RNFT2: variants seen among roughly 807,000 people sequenced by gnomAD.
RNFT2 encodes ring finger protein, transmembrane 2, also known as E3 ubiquitin-protein ligase RNFT2.
Under a neutral mutation model 53.0 loss-of-function variants are expected in RNFT2, and 36 were observed. The ratio of observed to expected loss-of-function variants is 0.68; its 90% CI spans 0.52 to 0.90. The LOEUF is 0.90. RNFT2 is among the 40% of genes least tolerant of loss of function. RNFT2 has a pLI of 0.00. For synonymous variants in RNFT2, 260 were observed against 253.2 expected (o/e 1.03, Z -0.26); for missense variants, 514 against 585.6 (o/e 0.88, Z 1.26).
At position 116,853,246 on chromosome 12, in the gene RNFT2, C is replaced by CA; in HGVS notation, c.*3799dup. 1 of 398,882 alleles carries CA rather than the reference C, an allele frequency of 2.5e-6. No homozygotes were observed. The highest frequency in any genetic ancestry group is 4.4e-6 in the Non-Finnish European group (1 of 226,318). 24.7% of individuals were successfully genotyped at this position (398,882 alleles called of 1,614,324 possible). ...TTTTATGTATCTTGGTTCTGCAACTCATTTGTTGTAAGTAGGGTTAATCGA... is the reference window on the plus strand; with the variant it reads ...TTTTATGTATCTTGGTTCTGCAACTCAATTTGTTGTAAGTAGGGTTAATCGA... On this transcript the variant is annotated 3_prime_UTR_variant, in exon 11 of 11. Coordinates refer to ENST00000257575, the MANE Select transcript of RNFT2 (RefSeq NM_001382266.1).
intron 6 of RNFT2, among the ~76,000 whole-genome samples, chr12:116,772,919 C>G (rs531092747): frequency 2.6e-5 from 4 of 152,302 alleles, no homozygotes; most frequent in African/African-American, 9.6e-5. Context: ...ACCTCCGTCT[C>G]CTGGGTTCAA....
chr12:116,851,644 G>A lies in RNFT2; in HGVS notation c.*2196G>A, dbSNP rs1877929681. ...AATCCCAGCTACTCAGGAGGCTAAG[G>A]CAGGGAGAACTGCTTGAACTCGGGA... On this transcript the variant is annotated 3_prime_UTR_variant, in exon 11 of 11. Transcript: ENST00000257575. 1.6e-6 allele frequency: 1 copy of A among 623,146 alleles called. No homozygotes were observed. The highest frequency in any genetic ancestry group is 1.9e-5 in the South Asian group (1 of 51,504). The allele number at this position is 623,146 out of a possible 1,614,324, so 38.6% of individuals were successfully genotyped here. A position where few individuals can be genotyped will look rare whatever the true frequency, so the allele number is the denominator to read the frequency against.
intron 6 of RNFT2, among the ~76,000 whole-genome samples, chr12:116,772,074 CAAATA>C (rs1873226641): frequency 7.4e-6 from 1 of 134,252 alleles, no homozygotes; most frequent in African/African-American, 2.9e-5. Context: ...CAATATTTGT[CAAATA>C]AATGAGTATC....
chr12:116,742,063 C>T (rs996627539), intron 3 of RNFT2, among the ~76,000 whole-genome samples: 3 of 152,090 alleles, frequency 2.0e-5, no homozygotes, highest in Non-Finnish European at 4.4e-5. Flanking sequence ...TTCCATTTCT[C>T]AAGATGAAGG....
At chr12:116,779,469 C>A in intron 7 of RNFT2, 121 bp downstream of exon 7, 1 of 1,087,332 alleles carries the variant, frequency 9.2e-7, no homozygotes, top group Non-Finnish European at 1.3e-6. Flanking sequence ...ATAAAATAAA[C>A]AGAGCCTGAG....
At chr12:116,741,593 A>G (rs1471715826) in intron 3 of RNFT2, among the ~76,000 whole-genome samples, 2 of 152,206 alleles carry the variant, frequency 1.3e-5, no homozygotes. Context: ...ATTCGTGAAG[A>G]GCCCATCTCA....
Position 116,849,636 on chromosome 12 carries a change from T to C in RNFT2, c.*188T>C. Reference sequence around the variant, plus strand: ...TTCATCTTCCTCTCTCGTTCTGTGGTATAGTGCGTGCCTCCTTCCCCTGCA... The same window carrying C: ...TTCATCTTCCTCTCTCGTTCTGTGGCATAGTGCGTGCCTCCTTCCCCTGCA... On this transcript the variant is annotated 3_prime_UTR_variant, in exon 11 of 11. Coordinates refer to ENST00000257575, the MANE Select transcript of RNFT2 (RefSeq NM_001382266.1). 7.3e-7 allele frequency: 1 copy of C among 1,361,542 alleles called. No individual in the cohort carries two copies. Among genetic ancestry groups the C allele is most frequent in the Non-Finnish European group, 9.5e-7 (1 of 1,054,322 alleles). 84.3% of individuals were successfully genotyped at this position (1,361,542 alleles called of 1,614,324 possible).
intron 7 of RNFT2, among the ~76,000 whole-genome samples, chr12:116,789,922 ATGGGAGGAGAG>A (rs2137132617): frequency 6.8e-6 from 1 of 146,376 alleles, no homozygotes; most frequent in South Asian, 2.3e-4. Flanking sequence ...AGATGGATGG[ATGGGAGGAGAG>A]TGGATGGATG....
intron 5 of RNFT2, among the ~76,000 whole-genome samples, chr12:116,764,790 G>A (rs958864383): frequency 6.6e-6 from 1 of 152,206 alleles, no homozygotes; most frequent in Non-Finnish European, 1.5e-5. Context: ...CACTTGGGAG[G>A]CTGAGGCAGG....
intron 7 of RNFT2, among the ~76,000 whole-genome samples, chr12:116,818,809 A>G (rs909108469): frequency 1.3e-5 from 2 of 152,228 alleles, no homozygotes; most frequent in Admixed American, 6.5e-5. Flanking sequence ...AATGGTCCGT[A>G]TAATTCCTCT....
chr12:116,853,443 G>A lies in RNFT2; in HGVS notation c.*3995G>A, dbSNP rs1878021112. 2.8e-6 allele frequency: 1 copy of A among 362,826 alleles called. No homozygotes were observed. The highest frequency in any genetic ancestry group is 2.1e-5 in the African/African-American group (1 of 47,942). The allele number at this position is 362,826 out of a possible 1,614,324, so 22.5% of individuals were successfully genotyped here. The stretch of plus-strand genomic sequence containing the variant: ...TATGATAGGTGCATCAGCTTCGGAA[G>A]AGAAGAATGATGTGCAGAGTGTTAG... On this transcript the variant is annotated 3_prime_UTR_variant, in exon 11 of 11. Coordinates refer to ENST00000257575, the MANE Select transcript of RNFT2 (RefSeq NM_001382266.1).
chr12:116,828,890 C>T (rs539072246), intron 7 of RNFT2, among the ~76,000 whole-genome samples: 1 of 151,968 alleles, frequency 6.6e-6, no homozygotes, highest in South Asian at 2.1e-4. Context: ...TCTGTAGTCC[C>T]TACAGGGGAC....
At chr12:116,826,937 T>C (rs889834971) in intron 7 of RNFT2, among the ~76,000 whole-genome samples, 2 of 152,090 alleles carry the variant, frequency 1.3e-5, no homozygotes, top group Non-Finnish European at 2.9e-5. Flanking sequence ...AGGAGTGATT[T>C]AGGGGCTGGG....
chr12:116,805,815 G>A (rs1051199440), intron 7 of RNFT2, among the ~76,000 whole-genome samples: 9 of 152,294 alleles, frequency 5.9e-5, no homozygotes, highest in African/African-American at 2.2e-4. Context: ...CTTCCTCGGG[G>A]AAACCTCAGT....
At chr12:116,826,271 G>A (rs1876333616) in intron 7 of RNFT2, among the ~76,000 whole-genome samples, 1 of 152,060 alleles carries the variant, frequency 6.6e-6, no homozygotes, top group South Asian at 2.1e-4. Context: ...GAGGAAGTCG[G>A]AATAGAATCC....
chr12:116,778,841 C>T lies in RNFT2; in HGVS notation c.729-354C>T, dbSNP rs867619311. On this transcript the variant is annotated intron_variant, in intron 6 of 10. Transcript: ENST00000257575. ...CTCCAGCCTGGGAGACGGAGCAAGA[C>T]TCCATCTCAAAAACAAACAAACAAA... Among the ~76,000 whole-genome samples, 6 of 152,318 alleles carry T rather than the reference C, an allele frequency of 3.9e-5. No individual in the cohort carries two copies. In the South Asian group the frequency reaches 8.3e-4, roughly 21 times the overall value.
chr12:116,831,198 C>CA (rs35779552), intron 7 of RNFT2, among the ~76,000 whole-genome samples: 107,691 of 142,478 alleles, frequency 0.76, 41,093 homozygotes, highest in Non-Finnish European at 0.84. Flanking sequence ...CGTCTCTCTA[C>CA]AAAAAAAAAA....
intron 8 of RNFT2, among the ~76,000 whole-genome samples, chr12:116,834,272 T>C (rs1038096646): frequency 2.6e-4 from 40 of 152,082 alleles, no homozygotes; most frequent in South Asian, 1.9e-3. Context: ...CATCCACCAC[T>C]ATACCCAGCT....
At position 116,853,152 on chromosome 12, in the gene RNFT2, A is replaced by G. The variant is rs1468302844; in HGVS notation, c.*3704A>G. On this transcript the variant is annotated 3_prime_UTR_variant, in exon 11 of 11. Transcript: ENST00000257575. ...ATGAGGAGTGTTTCCAACACAGGCT[A>G]CATGAATTCCCCTATACCAGTGCGA... 4.9e-6 allele frequency: 2 copies of G among 411,292 alleles called. No homozygotes were observed. The highest frequency in any genetic ancestry group is 4.3e-6 in the Non-Finnish European group (1 of 233,884). 25.5% of individuals were successfully genotyped at this position (411,292 alleles called of 1,614,324 possible).
Sources: allele counts gnomAD v4.1 joint callset (sites outside exome capture counted in the v4.1 genomes callset), GRCh38; gene constraint gnomAD v4.1.1; transcripts MANE v1.5; gene names NCBI Gene and HGNC (gene_info 2026-07-23, HGNC 2026-07-21).